The following RHCE variants were observed in gnomAD, a reference collection of about 807,000 sequenced individuals.
RHCE encodes the protein Rh blood group CcEe antigens.
RHCE carries 22 observed loss-of-function variants against 43.8 expected under a neutral mutation model. That is an observed-to-expected ratio of 0.50 (90% CI 0.36 to 0.72). The LOEUF is 0.72. Ranked by LOEUF, RHCE falls within the 30% of genes least tolerant of loss-of-function variation. RHCE has a pLI of 0.00. For missense variants in RHCE, 385 were observed against 525.4 expected, an observed-to-expected ratio of 0.73 and a Z score of 2.61; for synonymous variants, 156 against 210.7, an observed-to-expected ratio of 0.74 and a Z score of 2.25.
intron 3 of RHCE, among the ~76,000 whole-genome samples, chr1:25,396,605 C>T (rs529229038): frequency 3.9e-5 from 6 of 152,216 alleles, no homozygotes; most frequent in South Asian, 2.1e-4. Flanking sequence ...GCACATCTTA[C>T]GTGGTGGCAG....
intron 3 of RHCE, among the ~76,000 whole-genome samples, chr1:25,397,858 C>A (rs1646604760): frequency 6.9e-6 from 1 of 145,020 alleles, no homozygotes; most frequent in Admixed American, 7.0e-5. Flanking sequence ...ATAACCACCA[C>A]CACCTCCTAT....
intron 7 of RHCE, among the ~76,000 whole-genome samples, chr1:25,383,269 A>G (rs1646054516): frequency 6.6e-6 from 1 of 152,224 alleles, no homozygotes; most frequent in African/African-American, 2.4e-5. Context: ...ACTCAGTCAC[A>G]TATGCTCATC....
intron 9 of RHCE, among the ~76,000 whole-genome samples, chr1:25,368,105 GTGTGCTCCT>G (rs1432261896): frequency 1.3e-5 from 2 of 150,598 alleles, no homozygotes; most frequent in Admixed American, 6.6e-5. Context: ...GAAGTGATGG[GTGTGCTCCT>G]TGTCTTGATG....
At chr1:25,421,906 G>C (rs1031034400), upstream of RHCE, among the ~76,000 whole-genome samples, 1 of 152,222 alleles carries the variant, frequency 6.6e-6, no homozygotes. Context: ...AGGGCCAGGA[G>C]CTACAGGGAA....
At chr1:25,425,430 C>T (rs1247120057), upstream of RHCE, among the ~76,000 whole-genome samples, 1 of 152,198 alleles carries the variant, frequency 6.6e-6, no homozygotes, top group Non-Finnish European at 1.5e-5. Flanking sequence ...TAATAAACGG[C>T]AGAGGTGGGA....
intron 1 of RHCE, among the ~76,000 whole-genome samples, chr1:25,409,490 A>C (rs1290144126): frequency 8.0e-6 from 1 of 124,550 alleles, no homozygotes; most frequent in Non-Finnish European, 1.8e-5. Flanking sequence ...CCAGTCTCAG[A>C]CCCTGAGCAG....
Position 25,362,481 on chromosome 1 carries a change from GTTGTC to G in RHCE, c.*41_*45del, listed in dbSNP as rs1310597443. 1.3e-6 allele frequency: 2 copies of G among 1,589,048 alleles called. No individual in the cohort carries two copies. Among genetic ancestry groups the G allele is most frequent in the South Asian group, 1.1e-5 (1 of 88,242 alleles). ...CAAATGCAGGCAACAGTGAGAGGAA[GTTGTC>G]TTGTTTTTGAACAGGCCTTGTTTTT... On this transcript the variant is annotated 3_prime_UTR_variant, in exon 10 of 10. Transcript: ENST00000294413.
chr1:25,381,857 T>C lies in RHCE; in HGVS notation c.1073+3854A>G, dbSNP rs568732026. Among the ~76,000 whole-genome samples, 419 of 151,380 alleles carry C rather than the reference T, an allele frequency of 2.8e-3. 1 individual carries two copies. The highest frequency in any genetic ancestry group is 8.5e-3 in the South Asian group (41 of 4,820). ...CAGTTCCAAAGCCACTTCCACATTT[T>C]CAGGAATCTGTTACAGTAAAAACTC... On this transcript the variant is annotated intron_variant, in intron 7 of 9. Coordinates refer to ENST00000294413, the MANE Select transcript of RHCE (RefSeq NM_020485.8).
chr1:25,420,298 T>TA (rs906723264), intron 1 of RHCE, among the ~76,000 whole-genome samples: 44 of 151,708 alleles, frequency 2.9e-4, no homozygotes, highest in East Asian at 3.9e-4. Context: ...TCTATAAAAA[T>TA]AAAAAAAATC....
intron 7 of RHCE, among the ~76,000 whole-genome samples, chr1:25,379,485 ATATATATATATTTTTTTTTTTTTTTT>A (rs1398168783): frequency 5.1e-5 from 1 of 19,508 alleles, no homozygotes; most frequent in African/African-American, 3.8e-4. Context: ...ATATATATAT[ATATATATATATTTTTTTTTTTTTTTT>A]TTTTTTTTTT....
chr1:25,428,552 T>C (rs1254854277), intron 2 of RHCE, among the ~76,000 whole-genome samples: 2 of 152,382 alleles, frequency 1.3e-5, no homozygotes, highest in East Asian at 3.9e-4. Flanking sequence ...GAAGTAGAAT[T>C]AAGGCATGAG....
At chr1:25,426,298 G>A (rs866673828) in intron 2 of RHCE, among the ~76,000 whole-genome samples, 8 of 152,168 alleles carry the variant, frequency 5.3e-5, no homozygotes, top group African/African-American at 1.9e-4. Context: ...TATTCCTGTC[G>A]ATTTAGGCCT....
intron 5 of RHCE, among the ~76,000 whole-genome samples, chr1:25,390,089 C>T (rs1431931720): frequency 2.6e-5 from 4 of 152,078 alleles, no homozygotes; most frequent in South Asian, 2.1e-4. Context: ...GACTTCCCTC[C>T]GACACCACCA....
chr1:25,388,243 T>C (rs1646244796), intron 6 of RHCE, among the ~76,000 whole-genome samples: 1 of 135,460 alleles, frequency 7.4e-6, no homozygotes, highest in East Asian at 2.1e-4. Flanking sequence ...AATATTTCTC[T>C]TAGAGAAGCA....
chr1:25,399,036 G>A, intron 3 of RHCE: 4 of 1,585,444 alleles, frequency 2.5e-6, no homozygotes, highest in East Asian at 2.2e-5. Context: ...TGGTCACTGG[G>A]GCCTTGGACA....
Position 25,402,622 on chromosome 1 carries a change from T to C in RHCE, c.460A>G (p.Arg154Gly), listed in dbSNP as rs755299894. 3 of 1,613,972 alleles carry C rather than the reference T, an allele frequency of 1.9e-6. No homozygotes were observed. Among genetic ancestry groups the C allele is most frequent in the African/African-American group, 1.3e-5 (1 of 74,870 alleles). The change falls in exon 3 of 10, where the codon AGG becomes GGG. Residue 154 changes from arginine (R) to glycine (G), a missense_variant. Transcript: ENST00000294413. The part of the protein sequence containing the change: ...LVEVTALGTL[R>G]MVISNIFNTD... ...TTGAAGATATTACTGATGACCATCC[T>C]CAGGGTGCCTAAAGCTGTCACCTCC...
At chr1:25,387,485 G>A (rs575161374) in intron 6 of RHCE, among the ~76,000 whole-genome samples, 1 of 152,344 alleles carries the variant, frequency 6.6e-6, no homozygotes, top group African/African-American at 2.4e-5. Flanking sequence ...ATGAATGAGG[G>A]AATCATTTTT....
intron 6 of RHCE, among the ~76,000 whole-genome samples, chr1:25,387,089 GCCTGAGCACCTC>G (rs1361918724): frequency 2.0e-5 from 3 of 152,152 alleles, no homozygotes; most frequent in Non-Finnish European, 2.9e-5. Flanking sequence ...CAGGAAGTGT[GCCTGAGCACCTC>G]CCATCTTTCA....
chr1:25,407,534 T>A (rs1646953382), intron 2 of RHCE, among the ~76,000 whole-genome samples: 1 of 123,168 alleles, frequency 8.1e-6, no homozygotes, highest in Non-Finnish European at 1.9e-5. Flanking sequence ...GCCCAGAGGT[T>A]TAGCAGGGTC....
Sources: gnomAD v4.1 joint callset for allele counts (sites outside exome capture counted in the v4.1 genomes callset) on GRCh38, gnomAD v4.1.1 for gene constraint, MANE v1.5 for transcripts, NCBI Gene and HGNC (gene_info 2026-07-23, HGNC 2026-07-21) for gene names.